The following HDAC4 variants were observed in gnomAD, a reference collection of about 807,000 sequenced individuals.
HDAC4 encodes histone deacetylase A.
Under a neutral mutation model 135.1 loss-of-function variants are expected in HDAC4, and 16 were observed. The ratio of observed to expected loss-of-function variants is 0.12; its 90% CI spans 0.08 to 0.18. The LOEUF is 0.18. Among genes scored for constraint, HDAC4 ranks in the 10% least tolerant of loss-of-function variants. HDAC4 has a pLI of 1.00. For missense variants in HDAC4, 1,143 were observed against 1,511.8 expected (o/e 0.76, Z 4.05); for synonymous variants, 685 against 653.4 (o/e 1.05, Z -0.74).
chr2:239,129,107 A>G lies in HDAC4; in HGVS notation c.1295-2413T>C, dbSNP rs144246480. ...CCGGCCCTGTTCCTTTTCCAGTTGCACTCCCCACGGACCAGCCCCTCACTC... is the reference window on the plus strand; with the variant it reads ...CCGGCCCTGTTCCTTTTCCAGTTGCGCTCCCCACGGACCAGCCCCTCACTC... On this transcript the variant is annotated intron_variant, in intron 11 of 26. Transcript: ENST00000543185. 3.3e-3 allele frequency among the ~76,000 whole-genome samples: 502 copies of G among 151,522 alleles called. 4 individuals are homozygous for G. The highest frequency in any genetic ancestry group is 0.011 in the African/African-American group (467 of 41,282).
chr2:239,230,369 A>AAAAAAAAAAAAAAAAAAAAAAC (rs2047478692), intron 3 of HDAC4, among the ~76,000 whole-genome samples: 1 of 4,138 alleles, frequency 2.4e-4, no homozygotes, highest in Non-Finnish European at 4.9e-4. Context: ...GCAAGCAAGC[A>AAAAAAAAAAAAAAAAAAAAAAC]AAAAAAAAAA....
chr2:239,228,151 C>A (rs1365997335), intron 3 of HDAC4, among the ~76,000 whole-genome samples: 1 of 152,224 alleles, frequency 6.6e-6, no homozygotes, highest in Non-Finnish European at 1.5e-5. Flanking sequence ...ACACAGACCC[C>A]TCCTGTGTGC....
chr2:239,052,435 C>T lies in HDAC4; in HGVS notation c.*662G>A, dbSNP rs960378954. On this transcript the variant is annotated 3_prime_UTR_variant, in exon 27 of 27. Coordinates refer to ENST00000543185, the MANE Select transcript of HDAC4 (RefSeq NM_001378414.1). ...CAATAAAAAAAAAGGCACAAACTCG[C>T]ATCTTCCGATGGCTTTTGAGAAACT... 19 of 152,546 alleles carry T rather than the reference C, an allele frequency of 1.2e-4. No homozygotes were observed. Among genetic ancestry groups the T allele is most frequent in the African/African-American group, 4.6e-4 (19 of 41,454 alleles). 9.4% of individuals were successfully genotyped at this position (152,546 alleles called of 1,614,324 possible).
intron 2 of HDAC4, among the ~76,000 whole-genome samples, chr2:239,351,366 T>C (rs922891858): frequency 2.6e-5 from 4 of 152,172 alleles, no homozygotes; most frequent in African/African-American, 9.7e-5. Context: ...ATGGACAGAA[T>C]GTAAAACACA....
intron 2 of HDAC4, among the ~76,000 whole-genome samples, chr2:239,256,116 A>T (rs1490277843): frequency 6.6e-6 from 1 of 152,258 alleles, no homozygotes; most frequent in Non-Finnish European, 1.5e-5. Flanking sequence ...GTCTGTGTGG[A>T]GCATCTCAAG....
intron 2 of HDAC4, among the ~76,000 whole-genome samples, chr2:239,289,436 T>C (rs946224317): frequency 5.3e-5 from 8 of 152,068 alleles, no homozygotes; most frequent in African/African-American, 1.9e-4. Flanking sequence ...TGTTACAATA[T>C]GTGTGTGTGT....
intron 2 of HDAC4, among the ~76,000 whole-genome samples, chr2:239,259,583 G>A (rs1047878327): frequency 6.6e-5 from 10 of 152,210 alleles, no homozygotes; most frequent in African/African-American, 2.4e-4. Context: ...GAGGAAAATG[G>A]CCTTAAAATC....
chr2:239,292,189 G>C (rs941680210), intron 2 of HDAC4, among the ~76,000 whole-genome samples: 44 of 152,234 alleles, frequency 2.9e-4, no homozygotes, highest in African/African-American at 1.1e-3. Flanking sequence ...CCGGTGTTTT[G>C]TCAGTGTGGC....
At chr2:239,147,119 C>T (rs992923848) in intron 7 of HDAC4, among the ~76,000 whole-genome samples, 43 of 152,136 alleles carry the variant, frequency 2.8e-4, no homozygotes, top group East Asian at 1.9e-4. Flanking sequence ...ATGCGGGGCT[C>T]GGGGAGGGGA....
intron 2 of HDAC4, among the ~76,000 whole-genome samples, chr2:239,345,834 C>T (rs919343828): frequency 4.1e-5 from 6 of 146,688 alleles, no homozygotes; most frequent in Admixed American, 2.7e-4. Flanking sequence ...TACACACCCC[C>T]GTCTCACACA....
At chr2:239,280,332 T>G (rs2050632458) in intron 2 of HDAC4, among the ~76,000 whole-genome samples, 1 of 152,154 alleles carries the variant, frequency 6.6e-6, no homozygotes. Flanking sequence ...AAAGCACATT[T>G]TGCCCCAAAC....
chr2:239,149,752 A>C (rs568749614), intron 7 of HDAC4, among the ~76,000 whole-genome samples: 41 of 152,136 alleles, frequency 2.7e-4, no homozygotes, highest in African/African-American at 9.9e-4. Flanking sequence ...CCCGCCCTTG[A>C]CTGACGGTGA....
intron 14 of HDAC4, among the ~76,000 whole-genome samples, chr2:239,111,265 G>T (rs1434164873): frequency 6.6e-6 from 1 of 152,240 alleles, no homozygotes; most frequent in African/African-American, 2.4e-5. Flanking sequence ...TGTTCTTGGA[G>T]GAGACCATGG....
intron 2 of HDAC4, among the ~76,000 whole-genome samples, chr2:239,237,966 C>G (rs1317516567): frequency 6.6e-6 from 1 of 152,138 alleles, no homozygotes; most frequent in Non-Finnish European, 1.5e-5. Flanking sequence ...GTTCTGCTTC[C>G]CTGGGTCAGG....
intron 2 of HDAC4, among the ~76,000 whole-genome samples, chr2:239,351,490 G>C (rs560200808): frequency 2.6e-5 from 4 of 152,362 alleles, no homozygotes; most frequent in African/African-American, 4.8e-5. Context: ...AGGAGGGAGA[G>C]AGCCAGCTCC....
intron 3 of HDAC4, among the ~76,000 whole-genome samples, chr2:239,207,092 C>T (rs1287497294): frequency 2.0e-5 from 3 of 151,832 alleles, no homozygotes; most frequent in Non-Finnish European, 2.9e-5. Context: ...CTCTCCCCAC[C>T]GCTGGGTATG....
Position 239,094,578 on chromosome 2 carries a change from G to T in HDAC4, c.2280+432C>A, listed in dbSNP as rs2036823340. On this transcript the variant is annotated intron_variant, in intron 17 of 26. Coordinates refer to ENST00000543185, the MANE Select transcript of HDAC4 (RefSeq NM_001378414.1). ...CGAGTAGCCCTACAGACTCCACGTG[G>T]CCCATGAGTATCACGGTCACTGCAC... is the stretch of plus-strand genomic sequence containing the variant. 1.3e-5 allele frequency: 15 copies of T among 1,119,666 alleles called. No individual in the cohort carries two copies. The South Asian group carries it at 3.1e-4, about 23-fold the overall frequency. 69.4% of individuals were successfully genotyped at this position (1,119,666 alleles called of 1,614,324 possible). A position where few individuals can be genotyped will look rare whatever the true frequency, so the allele number is the denominator to read the frequency against.
intron 2 of HDAC4, among the ~76,000 whole-genome samples, chr2:239,275,388 G>A (rs1277011791): frequency 1.3e-5 from 2 of 152,232 alleles, no homozygotes; most frequent in Admixed American, 1.3e-4. Flanking sequence ...ACCCAGAAAC[G>A]GCAGGAGCCC....
intron 12 of HDAC4, among the ~76,000 whole-genome samples, chr2:239,123,006 C>A (rs1222907769): frequency 6.6e-6 from 1 of 151,812 alleles, no homozygotes; most frequent in Non-Finnish European, 1.5e-5. Flanking sequence ...TTCTTGTCTT[C>A]CTGGGCATCC....
Sources: allele counts gnomAD v4.1 joint callset (sites outside exome capture counted in the v4.1 genomes callset), GRCh38; gene constraint gnomAD v4.1.1; transcripts MANE v1.5; gene names NCBI Gene and HGNC (gene_info 2026-07-23, HGNC 2026-07-21).